Variants in ITSN1 observed in about 807,000 individuals in gnomAD.
ITSN1 encodes intersectin 1.
A neutral mutation model predicts 239.8 loss-of-function variants in ITSN1; 58 were observed. The ratio of observed to expected loss-of-function variants is 0.24; its 90% CI spans 0.20 to 0.30. The LOEUF (loss-of-function observed/expected upper bound fraction) is 0.30, where lower values mean the gene tolerates loss of function less well. Ranked by LOEUF, ITSN1 falls within the 10% of genes least tolerant of loss-of-function variation. The pLI, the probability that ITSN1 is intolerant of heterozygous loss-of-function variation, is 1.00. For missense variants in ITSN1, 1,558 were observed against 2,103.3 expected (o/e 0.74, Z 5.07); for synonymous variants, 780 against 770.8 (o/e 1.01, Z -0.20).
intron 1 of ITSN1, among the ~76,000 whole-genome samples, chr21:33,644,262 A>G (rs1427493670): frequency 1.3e-5 from 2 of 152,232 alleles, no homozygotes; most frequent in African/African-American, 2.4e-5. Context: ...AAATACATAC[A>G]TATGAAAGAA....
At chr21:33,666,584 A>G (rs1324592965) in intron 1 of ITSN1, among the ~76,000 whole-genome samples, 1 of 152,224 alleles carries the variant, frequency 6.6e-6, no homozygotes, top group Non-Finnish European at 1.5e-5. Flanking sequence ...CACTTTATAT[A>G]TAGTTGAATG....
Position 33,891,965 on chromosome 21 carries a change from G to A in ITSN1, c.*3665G>A, listed in dbSNP as rs1366344045. The A allele has an allele frequency of 3.3e-5, 5 of 152,142 alleles. No individual in the cohort carries two copies. 9.4% of individuals were successfully genotyped at this position (152,142 alleles called of 1,614,324 possible). ...TGATTTGATTTGATTTGATTTCTAA[G>A]TTCTCCCTTCCTTTTCAAGGTTAGC... On this transcript the variant is annotated 3_prime_UTR_variant, in exon 40 of 40. Coordinates refer to ENST00000381318, the MANE Select transcript of ITSN1 (RefSeq NM_003024.3).
chr21:33,668,827 C>G (rs1349562301), intron 1 of ITSN1, among the ~76,000 whole-genome samples: 2 of 152,156 alleles, frequency 1.3e-5, no homozygotes, highest in African/African-American at 4.8e-5. Context: ...CACAGGAATT[C>G]CAGGGAAAAG....
At chr21:33,826,471 G>A (rs565166076) in intron 25 of ITSN1, among the ~76,000 whole-genome samples, 49 of 152,298 alleles carry the variant, frequency 3.2e-4, no homozygotes, top group Admixed American at 1.0e-3. Context: ...AAATAAGTCC[G>A]AGCTTAGTGT....
At chr21:33,668,072 T>C (rs1313961747) in intron 1 of ITSN1, among the ~76,000 whole-genome samples, 1 of 152,214 alleles carries the variant, frequency 6.6e-6, no homozygotes, top group East Asian at 1.9e-4. Flanking sequence ...GCTCCACTTA[T>C]GGCTTTATAA....
intron 4 of ITSN1, among the ~76,000 whole-genome samples, chr21:33,725,717 G>C (rs4816464): frequency 0.53 from 80,560 of 152,064 alleles, 22,850 homozygotes; most frequent in East Asian, 0.82. Flanking sequence ...TAGATTGAAT[G>C]AATCTTTAAT....
At chr21:33,767,061 G>A (rs189556988) in intron 10 of ITSN1, among the ~76,000 whole-genome samples, 78 of 152,174 alleles carry the variant, frequency 5.1e-4, no homozygotes, top group East Asian at 4.8e-3. Flanking sequence ...CCAGCTACTC[G>A]GGAGGCTGAG....
At chr21:33,868,063 G>C (rs1036583580) in intron 33 of ITSN1, among the ~76,000 whole-genome samples, 1 of 152,200 alleles carries the variant, frequency 6.6e-6, no homozygotes, top group Non-Finnish European at 1.5e-5. Flanking sequence ...TGTGGAAAGG[G>C]ACCGAGCCGG....
chr21:33,854,133 G>A (rs1602602211), intron 29 of ITSN1, among the ~76,000 whole-genome samples: 1 of 152,198 alleles, frequency 6.6e-6, no homozygotes, highest in South Asian at 2.1e-4. Flanking sequence ...CCCTAAAGGT[G>A]TGCATTGTAC....
At chr21:33,694,602 C>T (rs111969958) in intron 1 of ITSN1, among the ~76,000 whole-genome samples, 1 of 152,184 alleles carries the variant, frequency 6.6e-6, no homozygotes, top group African/African-American at 2.4e-5. Flanking sequence ...GGGCAGATCA[C>T]CTGAGGTCAG....
Position 33,802,377 on chromosome 21 carries a change from G to T in ITSN1, c.2305-53G>T, listed in dbSNP as rs1158346263. The T allele has an allele frequency of 9.6e-6, 15 of 1,562,938 alleles. No homozygotes were observed. The East Asian group carries it at 3.4e-4, about 35-fold the overall frequency. On this transcript the variant is annotated intron_variant, in intron 19 of 39. Transcript: ENST00000381318. ...TAGATATGCTGTAAGAATAAAGCAT[G>T]TCATTAAACATATATTTTGCCTTGC...
At chr21:33,754,111 G>A (rs1265630310) in intron 7 of ITSN1, 2 of 152,092 alleles carry the variant, frequency 1.3e-5, no homozygotes, top group Non-Finnish European at 2.9e-5. Context: ...CTGGCGTGTA[G>A]CAACTAGATA....
intron 27 of ITSN1, among the ~76,000 whole-genome samples, chr21:33,834,090 C>CAA (rs1379014814): frequency 6.6e-6 from 1 of 152,180 alleles, no homozygotes; most frequent in Non-Finnish European, 1.5e-5. Context: ...CTAGCCGAAG[C>CAA]AAAAACATTC....
chr21:33,738,590 C>T (rs770110478), intron 5 of ITSN1, among the ~76,000 whole-genome samples: 8 of 151,974 alleles, frequency 5.3e-5, no homozygotes, highest in Non-Finnish European at 8.8e-5. Context: ...TTAGTAGCGA[C>T]GGGGTTTCAC....
intron 1 of ITSN1, 69 bp from the exon 2 acceptor site, chr21:33,718,728 T>C (rs2065312943): frequency 4.2e-6 from 4 of 957,228 alleles, no homozygotes; most frequent in Non-Finnish European, 6.8e-6. Context: ...AAAGATAGCA[T>C]GTTGGTGTGT....
At chr21:33,710,730 A>T (rs1433138811) in intron 1 of ITSN1, among the ~76,000 whole-genome samples, 1 of 149,626 alleles carries the variant, frequency 6.7e-6, no homozygotes, top group Non-Finnish European at 1.5e-5. Context: ...ACTTTTCATA[A>T]TTTTTGTATT....
At position 33,882,547 on chromosome 21, in the gene ITSN1, G is replaced by A; in HGVS notation, c.4554+92G>A. On this transcript the variant is annotated intron_variant, in intron 35 of 39. Transcript: ENST00000381318. The surrounding 1 kb of genome is among the most constrained non-coding windows in gnomAD (Gnocchi z 4.5). The stretch of plus-strand genomic sequence containing the variant: ...AGGAGGTAGAGTTTTAGCAGGGTCA[G>A]GGGCTGTGGCATGCAGGAGAAGGCC... The A allele has an allele frequency of 1.8e-6, 2 of 1,089,300 alleles. No homozygotes were observed. Among genetic ancestry groups the A allele is most frequent in the Non-Finnish European group, 2.7e-6 (2 of 752,858 alleles). 67.5% of individuals were successfully genotyped at this position (1,089,300 alleles called of 1,614,324 possible).
At chr21:33,674,773 A>G (rs527433794) in intron 1 of ITSN1, among the ~76,000 whole-genome samples, 3 of 152,368 alleles carry the variant, frequency 2.0e-5, no homozygotes, top group South Asian at 2.1e-4. Context: ...ATGCATGTTC[A>G]TAATGGAAAG....
intron 6 of ITSN1, 150 bp from the exon 7 acceptor site, chr21:33,751,659 TA>T: frequency 1.6e-6 from 1 of 617,680 alleles, no homozygotes. Context: ...GGACAGAGGG[TA>T]AGGAGGGAAA....
Sources: allele counts gnomAD v4.1 joint callset (sites outside exome capture counted in the v4.1 genomes callset), GRCh38; gene constraint gnomAD v4.1.1; non-coding constraint Gnocchi (gnomAD v3.1); transcripts MANE v1.5; gene names NCBI Gene and HGNC (gene_info 2026-07-23, HGNC 2026-07-21).